PLPPR1: variants seen among roughly 807,000 people sequenced by gnomAD.
PLPPR1 encodes phospholipid phosphatase-related protein type 1.
In PLPPR1, 10 loss-of-function variants were observed where a neutral mutation model predicts 33.1. The observed-to-expected ratio is 0.30, with a 90% CI of 0.19 to 0.51. PLPPR1 has a LOEUF of 0.51. PLPPR1 is among the 20% of genes least tolerant of loss of function. The pLI, the probability that PLPPR1 is intolerant of heterozygous loss-of-function variation, is 0.97. For synonymous variants in PLPPR1, 151 were observed against 151.0 expected (o/e 1.00, Z 0.00); for missense variants, 304 against 408.1 (o/e 0.74, Z 2.20).
At chr9:101,050,124 G>GAAAAAAA (rs35688096) in intron 1 of PLPPR1, among the ~76,000 whole-genome samples, 5 of 35,174 alleles carry the variant, frequency 1.4e-4, no homozygotes, top group African/African-American at 4.0e-4. Flanking sequence ...CTCCAACTCA[G>GAAAAAAA]AAAAAAAAAA....
intron 2 of PLPPR1, among the ~76,000 whole-genome samples, chr9:101,237,842 A>G (rs1288233817): frequency 2.0e-5 from 2 of 98,402 alleles, no homozygotes; most frequent in African/African-American, 4.7e-5. Flanking sequence ...TATATGCTAT[A>G]TATGTGTGTG....
At chr9:101,029,836 G>A (rs1432396466) in intron 1 of PLPPR1, among the ~76,000 whole-genome samples, 3 of 152,188 alleles carry the variant, frequency 2.0e-5, no homozygotes, top group Non-Finnish European at 1.5e-5. Context: ...ACACCATCGC[G>A]GCAGCGCTGG....
intron 2 of PLPPR1, among the ~76,000 whole-genome samples, chr9:101,217,299 T>G (rs528125388): frequency 6.6e-6 from 1 of 152,126 alleles, no homozygotes; most frequent in East Asian, 1.9e-4. Context: ...AGGGAAATCA[T>G]AGAAAAAGAA....
At chr9:101,272,267 C>T (rs1221919752) in intron 3 of PLPPR1, among the ~76,000 whole-genome samples, 1 of 152,102 alleles carries the variant, frequency 6.6e-6, no homozygotes, top group African/African-American at 2.4e-5. Flanking sequence ...ACTCAGGACA[C>T]ACAGCTGTGG....
chr9:101,273,859 C>T (rs1655890049), intron 3 of PLPPR1, among the ~76,000 whole-genome samples: 1 of 152,120 alleles, frequency 6.6e-6, no homozygotes, highest in Non-Finnish European at 1.5e-5. Context: ...AATGACCAAA[C>T]TTTAATAAGA....
intron 1 of PLPPR1, among the ~76,000 whole-genome samples, chr9:101,173,524 T>C (rs955565532): frequency 6.6e-6 from 1 of 152,154 alleles, no homozygotes; most frequent in African/African-American, 2.4e-5. Flanking sequence ...GACTCTGGGC[T>C]TGGGAAGCCC....
intron 2 of PLPPR1, among the ~76,000 whole-genome samples, chr9:101,254,951 G>A (rs1827773649): frequency 6.6e-6 from 1 of 152,116 alleles, no homozygotes; most frequent in African/African-American, 2.4e-5. Flanking sequence ...GCAGTGCCAG[G>A]TTGTACTCCA....
chr9:101,066,646 T>C (rs921924981), intron 1 of PLPPR1, among the ~76,000 whole-genome samples: 2 of 152,092 alleles, frequency 1.3e-5, no homozygotes, highest in Non-Finnish European at 2.9e-5. Context: ...TCCTTGGCCA[T>C]TGGGAGTGCT....
At chr9:101,194,578 C>T (rs1415760421) in intron 2 of PLPPR1, among the ~76,000 whole-genome samples, 2 of 151,952 alleles carry the variant, frequency 1.3e-5, no homozygotes, top group African/African-American at 4.8e-5. Flanking sequence ...GGAGAAACCC[C>T]GTTTCTACTA....
intron 1 of PLPPR1, among the ~76,000 whole-genome samples, chr9:101,161,753 T>C (rs1405638779): frequency 3.3e-5 from 5 of 152,020 alleles, no homozygotes; most frequent in Non-Finnish European, 7.4e-5. Flanking sequence ...TCAAAAAAAG[T>C]ATTACCTTTT....
At chr9:101,292,452 T>TA (rs1321223740) in intron 4 of PLPPR1, among the ~76,000 whole-genome samples, 23 of 152,116 alleles carry the variant, frequency 1.5e-4, no homozygotes, top group African/African-American at 5.3e-4. Flanking sequence ...GCCACAAACA[T>TA]ACTCCTCGAG....
Position 101,309,275 on chromosome 9 carries a change from G to A in PLPPR1, c.450G>A (p.Gly150=), listed in dbSNP as rs781627797. ...TAAACGCCGGACAAGTGGTCACTGG[G>A]CACTTAACGCCATACTTCCTGACTG... is the stretch of plus-strand genomic sequence containing the variant. ...IFVNAGQVVT[G]HLTPYFLTVC... is the part of the protein sequence containing the mutation. The change falls in exon 5 of 8, where the codon GGG becomes GGA. Residue 150 remains glycine (G), a synonymous_variant. Transcript: ENST00000374874. The A allele has an allele frequency of 5.0e-6, 8 of 1,614,020 alleles. No homozygotes were observed. Among genetic ancestry groups the A allele is most frequent in the South Asian group, 3.3e-5 (3 of 91,080 alleles).
chr9:101,036,445 A>C (rs1207404219), intron 1 of PLPPR1, among the ~76,000 whole-genome samples: 1 of 152,190 alleles, frequency 6.6e-6, no homozygotes, highest in Non-Finnish European at 1.5e-5. Flanking sequence ...TCTTTGTCTT[A>C]GGGCTAGAGG....
chr9:101,276,115 C>T (rs373501014), intron 3 of PLPPR1, among the ~76,000 whole-genome samples: 85 of 152,172 alleles, frequency 5.6e-4, no homozygotes, highest in African/African-American at 2.0e-3. Flanking sequence ...TCTTGTACTT[C>T]CTCATAATCT....
At chr9:101,179,571 T>A in intron 1 of PLPPR1, among the ~76,000 whole-genome samples, 1 of 152,158 alleles carries the variant, frequency 6.6e-6, no homozygotes, top group East Asian at 1.9e-4. Flanking sequence ...TGTATTTGGG[T>A]TGGGGATTGG....
intron 1 of PLPPR1, among the ~76,000 whole-genome samples, chr9:101,093,456 C>T (rs768190591): frequency 1.1e-4 from 17 of 152,140 alleles, no homozygotes; most frequent in Non-Finnish European, 2.2e-4. Context: ...ACATTTTTAA[C>T]TGAATATTTT....
At chr9:101,270,927 A>C (rs1438491234) in intron 3 of PLPPR1, among the ~76,000 whole-genome samples, 1 of 152,176 alleles carries the variant, frequency 6.6e-6, no homozygotes, top group East Asian at 1.9e-4. Context: ...TCTATTCGGC[A>C]GTAATAAAAA....
chr9:101,136,434 A>C (rs1193174947), intron 1 of PLPPR1, among the ~76,000 whole-genome samples: 2 of 152,190 alleles, frequency 1.3e-5, no homozygotes, highest in Admixed American at 6.5e-5. Context: ...TGCTGATCCT[A>C]TTTGATGCCA....
chr9:101,152,992 A>T (rs1290911933), intron 1 of PLPPR1, among the ~76,000 whole-genome samples: 8 of 152,258 alleles, frequency 5.3e-5, no homozygotes, highest in Middle Eastern at 3.4e-3. Flanking sequence ...CTTTGGGCAG[A>T]ATGGCCATTT....
Sources: gnomAD v4.1 joint callset for allele counts (sites outside exome capture counted in the v4.1 genomes callset) on GRCh38, gnomAD v4.1.1 for gene constraint, MANE v1.5 for transcripts, NCBI Gene and HGNC (gene_info 2026-07-23, HGNC 2026-07-21) for gene names.